The following EFCAB3 variants were observed in gnomAD, a reference collection of about 807,000 sequenced individuals.
The protein encoded by EFCAB3 is EF-hand calcium binding domain 3, also known as EF-hand calcium-binding domain-containing protein 3.
Under a neutral mutation model 42.2 loss-of-function variants are expected in EFCAB3, and 36 were observed. The ratio of observed to expected loss-of-function variants is 0.85; its 90% CI spans 0.65 to 1.13. The LOEUF (loss-of-function observed/expected upper bound fraction) is 1.13. Among genes scored for constraint, EFCAB3 ranks in the 50% most tolerant of loss-of-function variants. The pLI is 0.00. For synonymous variants in EFCAB3, 170 were observed against 172.8 expected (o/e 0.98, Z 0.13); for missense variants, 418 against 505.1 (o/e 0.83, Z 1.65).
intron 5 of EFCAB3, 122 bp downstream of exon 5, chr17:62,393,766 A>C (rs1429039452): frequency 1.3e-6 from 1 of 762,048 alleles, no homozygotes; most frequent in South Asian, 1.7e-5. Context: ...GATGTGAGTT[A>C]CTTTTGTACC....
rs1342715679 is a variant in EFCAB3, at chr17:62,381,726, G to A, written c.-18+1113G>A. The A allele has an allele frequency of 5.5e-5, 15 of 273,470 alleles. No individual in the cohort carries two copies. The Admixed American group carries it at 6.4e-4, about 12-fold the overall frequency. 16.9% of individuals were successfully genotyped at this position (273,470 alleles called of 1,614,324 possible). A position where few individuals can be genotyped will look rare whatever the true frequency, so the allele number is the denominator to read the frequency against. On this transcript the variant is annotated intron_variant, in intron 1 of 9. Transcript: ENST00000305286. ...CCTCGGGGGCAGCACCTCCCTCAGA[G>A]CCAAAGACATCAAGAGGATCCTGGA...
upstream of EFCAB3, chr17:62,380,447 T>A (rs937852060): frequency 5.0e-5 from 23 of 455,674 alleles, no homozygotes; most frequent in Non-Finnish European, 6.1e-5. Flanking sequence ...TGAACCACAC[T>A]GAAAACACAC....
chr17:62,378,997 C>T (rs973370169), upstream of EFCAB3, among the ~76,000 whole-genome samples: 4 of 151,910 alleles, frequency 2.6e-5, no homozygotes, highest in Admixed American at 2.0e-4. Context: ...CTTTAAAATT[C>T]CAGGACTAAC....
At chr17:62,374,466 A>T (rs1471240372) in intron 2 of EFCAB3, among the ~76,000 whole-genome samples, 5 of 152,216 alleles carry the variant, frequency 3.3e-5, no homozygotes, top group Non-Finnish European at 5.9e-5. Context: ...ATCTCAAAAA[A>T]TAAATAAATA....
upstream of EFCAB3, chr17:62,380,478 G>A: frequency 2.5e-6 from 2 of 798,974 alleles, no homozygotes; most frequent in African/African-American, 1.9e-5. Flanking sequence ...GTTGGAAGGA[G>A]CTCCTGGGTC....
intron 6 of EFCAB3, among the ~76,000 whole-genome samples, chr17:62,401,411 T>A (rs1359934668): frequency 6.6e-6 from 1 of 152,238 alleles, no homozygotes; most frequent in Non-Finnish European, 1.5e-5. Context: ...CTAGGGTTTT[T>A]ATGGTTTTAG....
At chr17:62,406,235 A>G (rs1199920401) in intron 6 of EFCAB3, among the ~76,000 whole-genome samples, 1 of 152,152 alleles carries the variant, frequency 6.6e-6, no homozygotes, top group African/African-American at 2.4e-5. Flanking sequence ...AACTCTGGGA[A>G]GCCTTGGGGA....
chr17:62,379,452 T>C (rs547202770), upstream of EFCAB3, among the ~76,000 whole-genome samples: 48 of 152,176 alleles, frequency 3.2e-4, no homozygotes, highest in South Asian at 1.9e-3. Context: ...GTAAGTAGCC[T>C]TTAATATAGT....
intron 6 of EFCAB3, chr17:62,397,460 T>C (rs955984190): frequency 1.3e-5 from 7 of 546,972 alleles, no homozygotes; most frequent in Non-Finnish European, 2.5e-5. Flanking sequence ...AGACCAGAAG[T>C]GGCATGAAAA....
At chr17:62,375,812 T>C (rs1353473535), upstream of EFCAB3, among the ~76,000 whole-genome samples, 7 of 152,342 alleles carry the variant, frequency 4.6e-5, no homozygotes, top group African/African-American at 1.7e-4. Flanking sequence ...CTTACTTTTC[T>C]ATCATTCTTC....
At chr17:62,406,985 T>G in intron 7 of EFCAB3, 43 bp from the exon 8 acceptor site, 1 of 1,542,512 alleles carries the variant, frequency 6.5e-7, no homozygotes, top group Non-Finnish European at 8.7e-7. Flanking sequence ...GTGAACTTCT[T>G]CTTACATTGT....
rs1454028432 is a variant in EFCAB3 at position 62,387,500 on chromosome 17, TCAAGGGTTGTCTA to T, written c.151+87_151+99del. 5.6e-4 allele frequency: 675 copies of T among 1,195,108 alleles called. 2 individuals carry two copies. Among genetic ancestry groups the T allele is most frequent in the Non-Finnish European group, 1.7e-4 (145 of 839,470 alleles). The allele number at this position is 1,195,108 out of a possible 1,614,324, so 74.0% of individuals were successfully genotyped here. A position where few individuals can be genotyped will look rare whatever the true frequency, so the allele number is the denominator to read the frequency against. On this transcript the variant is annotated intron_variant, in intron 3 of 9. Transcript: ENST00000305286. ...TCTTCTCTAAGAAAGATCTGAGATTTCAAGGGTTGTCTACACCACCATCATTTGAGAGAAAGGA... is the reference window on the plus strand; with the variant it reads ...TCTTCTCTAAGAAAGATCTGAGATTTCACCACCATCATTTGAGAGAAAGGA...
intron 6 of EFCAB3, among the ~76,000 whole-genome samples, chr17:62,399,547 T>C (rs575624063): frequency 4.1e-4 from 63 of 152,332 alleles, no homozygotes; most frequent in African/African-American, 1.4e-3. Flanking sequence ...TTGTCTCTGT[T>C]ACTGTGCTGT....
intron 5 of EFCAB3, among the ~76,000 whole-genome samples, chr17:62,394,331 A>C (rs1302681719): frequency 6.6e-6 from 1 of 152,166 alleles, no homozygotes; most frequent in Non-Finnish European, 1.5e-5. Context: ...TTTATGTTTC[A>C]GAAAAAGAAA....
intron 1 of EFCAB3, chr17:62,373,727 C>A: frequency 2.7e-6 from 2 of 749,684 alleles, no homozygotes; most frequent in Non-Finnish European, 4.4e-6. Context: ...GGAAGAATTT[C>A]AGCCTATTAT....
intron 3 of EFCAB3, 72 bp downstream of exon 3, chr17:62,387,488 A>AG: frequency 2.3e-6 from 3 of 1,311,790 alleles, no homozygotes; most frequent in Non-Finnish European, 3.2e-6. Flanking sequence ...TCTCTAAGAA[A>AG]GATCTGAGAT....
At chr17:62,382,420 T>TTGTG (rs145389859) in intron 1 of EFCAB3, among the ~76,000 whole-genome samples, 15 of 150,110 alleles carry the variant, frequency 1.0e-4, no homozygotes, top group African/African-American at 2.7e-4. Flanking sequence ...TAGTTACTAT[T>TTGTG]TGTGTGTGTG....
chr17:62,381,892 C>A, intron 1 of EFCAB3: 2 of 389,826 alleles, frequency 5.1e-6, no homozygotes, highest in South Asian at 2.1e-5. Context: ...GCTGTCTCTG[C>A]TGCCCCAGGC....
intron 6 of EFCAB3, chr17:62,397,484 G>C: frequency 1.8e-6 from 1 of 562,270 alleles, no homozygotes; most frequent in South Asian, 1.4e-5. Context: ...GTACAAGAAA[G>C]CCCATTTGGG....
Sources: gnomAD v4.1 joint callset for allele counts (sites outside exome capture counted in the v4.1 genomes callset) on GRCh38, gnomAD v4.1.1 for gene constraint, MANE v1.5 for transcripts, NCBI Gene and HGNC (gene_info 2026-07-23, HGNC 2026-07-21) for gene names.